The following LRBA variants were observed in gnomAD, a reference collection of about 807,000 sequenced individuals.
LRBA encodes LPS responsive beige-like anchor protein, also known as lipopolysaccharide-responsive and beige-like anchor protein.
In LRBA, 176 loss-of-function variants were observed where a neutral mutation model predicts 330.0. The observed-to-expected ratio is 0.53, with a 90% CI of 0.47 to 0.60. LRBA has a LOEUF of 0.60. Ranked by LOEUF, LRBA falls within the 20% of genes least tolerant of loss-of-function variation. The probability of loss-of-function intolerance (pLI) is 0.00; values close to 1 mark genes in which losing one functional copy is unlikely to be tolerated. For missense variants in LRBA, 3,259 were observed against 3,444.8 expected (o/e 0.95, Z 1.35); for synonymous variants, 1,230 against 1,193.0 (o/e 1.03, Z -0.64).
intron 34 of LRBA, among the ~76,000 whole-genome samples, chr4:150,795,400 G>C (rs1325928133): frequency 6.6e-6 from 1 of 151,952 alleles, no homozygotes; most frequent in African/African-American, 2.4e-5. Context: ...TTGTGTATTT[G>C]CAACAGAGAA....
intron 40 of LRBA, among the ~76,000 whole-genome samples, chr4:150,586,066 C>T (rs2126422635): frequency 6.6e-6 from 1 of 152,282 alleles, no homozygotes; most frequent in Non-Finnish European, 1.5e-5. Context: ...GTATTCTTCA[C>T]AGTAATATTA....
chr4:150,894,805 G>A lies in LRBA; in HGVS notation c.2067+1589C>T, dbSNP rs1017034892. On this transcript the variant is annotated intron_variant, in intron 16 of 56. Transcript: ENST00000651943. ...AAAGTACTTTATTCAGTCCCTTAGG[G>A]TTAATAAAAACAAAATCACATATAT... is the stretch of plus-strand genomic sequence containing the variant. Among the ~76,000 whole-genome samples, 81 of 152,104 alleles carry A rather than the reference G, an allele frequency of 5.3e-4. 1 individual carries two copies. The highest frequency in any genetic ancestry group is 1.5e-3 in the African/African-American group (64 of 41,502).
intron 47 of LRBA, among the ~76,000 whole-genome samples, chr4:150,353,562 T>C (rs1737442629): frequency 6.6e-6 from 1 of 152,206 alleles, no homozygotes; most frequent in Non-Finnish European, 1.5e-5. Context: ...TACTTCTTTA[T>C]GCACACTCAA....
chr4:150,568,783 T>G (rs966651297), intron 40 of LRBA, among the ~76,000 whole-genome samples: 3 of 152,140 alleles, frequency 2.0e-5, no homozygotes, highest in African/African-American at 7.2e-5. Context: ...TCTACTCACT[T>G]AAACTAGTAT....
chr4:150,723,886 C>T (rs1009043179), intron 36 of LRBA, among the ~76,000 whole-genome samples: 2 of 152,164 alleles, frequency 1.3e-5, no homozygotes, highest in African/African-American at 4.8e-5. Flanking sequence ...GACAGAAGAG[C>T]CCCTAGGCTC....
At chr4:150,576,383 G>A (rs1770553402) in intron 40 of LRBA, among the ~76,000 whole-genome samples, 1 of 151,878 alleles carries the variant, frequency 6.6e-6, no homozygotes, top group Non-Finnish European at 1.5e-5. Flanking sequence ...CAATATAAGT[G>A]TGAATATAGC....
At chr4:150,412,780 G>A (rs1010899212) in intron 47 of LRBA, among the ~76,000 whole-genome samples, 1 of 151,548 alleles carries the variant, frequency 6.6e-6, no homozygotes, top group African/African-American at 2.4e-5. Context: ...ATAAAAAAAT[G>A]ATCAGAACAT....
At chr4:150,768,106 G>A (rs1488571150) in intron 34 of LRBA, among the ~76,000 whole-genome samples, 1 of 143,148 alleles carries the variant, frequency 7.0e-6, no homozygotes, top group African/African-American at 2.6e-5. Context: ...AAGAGAGGTA[G>A]ATAATGAGTG....
At chr4:150,521,604 C>T (rs1056528107) in intron 40 of LRBA, among the ~76,000 whole-genome samples, 65 of 152,130 alleles carry the variant, frequency 4.3e-4, no homozygotes, top group Non-Finnish European at 7.6e-4. Flanking sequence ...CTAATGGTTG[C>T]CTAACCCTAT....
intron 40 of LRBA, among the ~76,000 whole-genome samples, chr4:150,493,967 C>T (rs1027893625): frequency 6.6e-5 from 10 of 152,162 alleles, no homozygotes; most frequent in Non-Finnish European, 1.2e-4. Flanking sequence ...ACCTATAGCC[C>T]TAGCTACTCA....
At chr4:150,457,541 A>G (rs1212214842) in intron 44 of LRBA, among the ~76,000 whole-genome samples, 1 of 152,050 alleles carries the variant, frequency 6.6e-6, no homozygotes, top group Non-Finnish European at 1.5e-5. Context: ...TCACATACAA[A>G]GTAACTTTTA....
At position 150,487,763 on chromosome 4, in the gene LRBA, C is replaced by T. The variant is rs778491341; in HGVS notation, c.6520G>A (p.Val2174Ile). 27 of 1,598,974 alleles carry T rather than the reference C, an allele frequency of 1.7e-5. 1 individual carries two copies. The highest frequency in any genetic ancestry group is 3.3e-4 in the Middle Eastern group (2 of 5,982). Residue 2174 changes from valine to isoleucine, a missense_variant, in exon 42 of 57, where the codon GTT becomes ATT. Physicochemically the swap from Val to Ile is conservative, Grantham distance 29. Coordinates refer to ENST00000651943, the MANE Select transcript of LRBA (RefSeq NM_001364905.1). ...TGAGGCAATCCAAAACTTGTTCCAACGCCAACACGAGGTAGATAGTTAACC... is the reference window on the plus strand; with the variant it reads ...TGAGGCAATCCAAAACTTGTTCCAATGCCAACACGAGGTAGATAGTTAACC... The part of the protein sequence containing the change: ...KVVNYLPRVG[V>I]GTSFGLPQTR...
intron 2 of LRBA, among the ~76,000 whole-genome samples, chr4:150,947,904 G>C (rs1736407791): frequency 1.3e-5 from 2 of 151,912 alleles, no homozygotes; most frequent in Admixed American, 1.3e-4. Flanking sequence ...ATCTATAATT[G>C]CTCAAAAATA....
chr4:150,670,819 T>C (rs753400874), intron 37 of LRBA, among the ~76,000 whole-genome samples: 9 of 152,194 alleles, frequency 5.9e-5, no homozygotes, highest in Non-Finnish European at 1.2e-4. Context: ...TGTAACTCCT[T>C]TCTCCAAAAG....
At chr4:150,904,587 A>G (rs1731110865) in intron 13 of LRBA, among the ~76,000 whole-genome samples, 1 of 152,158 alleles carries the variant, frequency 6.6e-6, no homozygotes, top group African/African-American at 2.4e-5. Flanking sequence ...TGACCACATC[A>G]AAAGAGACAC....
intron 47 of LRBA, among the ~76,000 whole-genome samples, chr4:150,375,636 T>G (rs1414560672): frequency 1.4e-5 from 2 of 144,920 alleles, no homozygotes; most frequent in Admixed American, 1.4e-4. Flanking sequence ...TTTTTTTTTT[T>G]GAATTTTTAG....
intron 13 of LRBA, among the ~76,000 whole-genome samples, chr4:150,901,991 C>T (rs1367852305): frequency 2.0e-5 from 3 of 151,938 alleles, no homozygotes; most frequent in Non-Finnish European, 4.4e-5. Flanking sequence ...CATATGCTGT[C>T]CCTAAGTAGC....
intron 2 of LRBA, among the ~76,000 whole-genome samples, chr4:150,947,040 G>T (rs1162847393): frequency 2.6e-5 from 4 of 151,570 alleles, no homozygotes; most frequent in Admixed American, 6.6e-5. Context: ...GAAATAATTT[G>T]AATAATCCTA....
intron 47 of LRBA, among the ~76,000 whole-genome samples, chr4:150,402,736 A>C (rs1745661720): frequency 6.6e-6 from 1 of 151,960 alleles, no homozygotes; most frequent in African/African-American, 2.4e-5. Flanking sequence ...TTTATCCTAA[A>C]GTTTCTCTAT....
Sources: allele counts gnomAD v4.1 joint callset (sites outside exome capture counted in the v4.1 genomes callset), GRCh38; gene constraint gnomAD v4.1.1; transcripts MANE v1.5; gene names NCBI Gene and HGNC (gene_info 2026-07-23, HGNC 2026-07-21).